Variants in POM121 observed in about 807,000 individuals in gnomAD.
POM121 encodes the protein POM121 transmembrane nucleoporin.
Under a neutral mutation model 81.3 loss-of-function variants are expected in POM121, and 32 were observed. The observed-to-expected ratio is 0.39, with a 90% confidence interval of 0.30 to 0.53. The LOEUF (loss-of-function observed/expected upper bound fraction) is 0.53, where lower values mean the gene tolerates loss of function less well. Among genes scored for constraint, POM121 ranks in the 20% least tolerant of loss-of-function variants. The pLI, the probability that POM121 is intolerant of heterozygous loss-of-function variation, is 0.66. For synonymous variants in POM121, 514 were observed against 694.2 expected (o/e 0.74, Z 4.08); for missense variants, 1,138 against 1,614.6 (o/e 0.70, Z 5.06).
chr7:72,914,569 T>G (rs548353960), intron 4 of POM121, among the ~76,000 whole-genome samples: 1 of 151,404 alleles, frequency 6.6e-6, no homozygotes, highest in African/African-American at 2.4e-5. Flanking sequence ...AGATAGGGTC[T>G]CGCCGTATTG....
intron 1 of POM121, among the ~76,000 whole-genome samples, chr7:72,884,937 T>C (rs1790565865): frequency 6.6e-6 from 1 of 152,270 alleles, no homozygotes; most frequent in East Asian, 1.9e-4. Flanking sequence ...ATCTAAACTA[T>C]AGTTCATTTT....
intron 4 of POM121, among the ~76,000 whole-genome samples, chr7:72,928,945 C>A (rs555592249): frequency 1.3e-5 from 2 of 152,302 alleles, no homozygotes; most frequent in Admixed American, 1.3e-4. Flanking sequence ...CTGGTCTGTG[C>A]TGTTAGAAGA....
At chr7:72,932,184 AAAAC>A (rs1269941774) in intron 5 of POM121, among the ~76,000 whole-genome samples, 2 of 149,724 alleles carry the variant, frequency 1.3e-5, no homozygotes, top group Non-Finnish European at 3.0e-5. Flanking sequence ...AAAATACACT[AAAAC>A]AAGATACACT....
At position 72,926,446 on chromosome 7, in the gene POM121, C is replaced by G. The variant is rs1275415320; in HGVS notation, c.829C>G (p.Pro277Ala). The change falls in exon 2 of 13, where the codon CCT (proline) becomes GCT (alanine). Residue 277 changes from proline (P) to alanine (A), a missense_variant. Coordinates refer to ENST00000434423, the MANE Select transcript of POM121 (RefSeq NM_001387691.1). ...VCSPVTVRIA[P>A]PDRRFSRSAI... Reference sequence around the variant, plus strand: ...TAGCCCAGTGACTGTGAGGATCGCCCCTCCTGACAGAAGATTTTCGCGTTC... The same window carrying G: ...TAGCCCAGTGACTGTGAGGATCGCCGCTCCTGACAGAAGATTTTCGCGTTC... 6.2e-7 allele frequency: 1 copy of G among 1,613,964 alleles called. No homozygotes were observed. Among genetic ancestry groups the G allele is most frequent in the East Asian group, 2.2e-5 (1 of 44,886 alleles).
intron 5 of POM121, among the ~76,000 whole-genome samples, chr7:72,935,025 C>T (rs1320181568): frequency 1.3e-5 from 2 of 149,076 alleles, no homozygotes; most frequent in Admixed American, 1.3e-4. Context: ...ATTTTTAGAT[C>T]AACTTGTCAA....
intron 3 of POM121, among the ~76,000 whole-genome samples, chr7:72,899,340 C>T (rs1792332550): frequency 6.6e-6 from 1 of 152,054 alleles, no homozygotes; most frequent in South Asian, 2.1e-4. Flanking sequence ...GGTAGGTGCT[C>T]AATGAGTGCT....
chr7:72,887,588 C>T (rs1554490264), intron 1 of POM121, among the ~76,000 whole-genome samples: 1 of 152,130 alleles, frequency 6.6e-6, no homozygotes, highest in Admixed American at 6.6e-5. Flanking sequence ...ACAACAACAA[C>T]AAGGCTAAGG....
intron 3 of POM121, among the ~76,000 whole-genome samples, chr7:72,902,593 A>G (rs560936181): frequency 2.0e-5 from 3 of 151,838 alleles, no homozygotes; most frequent in Admixed American, 6.6e-5. Context: ...CAGTGGTGCA[A>G]TCTTGGCTCA....
intron 4 of POM121, among the ~76,000 whole-genome samples, chr7:72,915,656 T>G (rs1794225607): frequency 6.6e-6 from 1 of 152,170 alleles, no homozygotes; most frequent in Non-Finnish European, 1.5e-5. Flanking sequence ...ATTACAAGTA[T>G]GAGCCACTGC....
In POM121 at chr7:72,883,979, C is replaced by T. The variant is rs1790422977; in HGVS notation, c.-521+4094C>T. 2.0e-5 allele frequency among the ~76,000 whole-genome samples: 3 copies of T among 152,200 alleles called. No individual in the cohort carries two copies. In the South Asian group the frequency reaches 6.2e-4, roughly 32 times the overall value. ...CACCCAGGCTGGCACATTTATGGCTCACTGCAGCCTCAAACTCCTGTGCTC... is the reference window on the plus strand; with the variant it reads ...CACCCAGGCTGGCACATTTATGGCTTACTGCAGCCTCAAACTCCTGTGCTC... On this transcript the variant is annotated intron_variant, in intron 1 of 15. Transcript: ENST00000395270.
exon 1 of POM121, chr7:72,879,526 G>A (rs567577607): frequency 1.5e-5 from 4 of 260,860 alleles, no homozygotes; most frequent in Non-Finnish European, 3.0e-5. Flanking sequence ...GCCGGGTAGA[G>A]GCTCGAGCCG....
Position 72,928,407 on chromosome 7 carries a change from G to A in POM121, c.1045G>A (p.Gly349Arg), listed in dbSNP as rs782431745. 6.2e-7 allele frequency: 1 copy of A among 1,614,222 alleles called. No individual in the cohort carries two copies. The change falls in exon 4 of 13, where the codon GGA becomes AGA. Residue 349 changes from glycine (G) to arginine (R), a missense_variant. Coordinates refer to ENST00000434423, the MANE Select transcript of POM121 (RefSeq NM_001387691.1). ...KRRRHDSSGS[G>R]HSAFEPLVAN... ...CAGGCGCCATGATAGCAGTGGCAGT[G>A]GACATTCAGCATTTGAGCCCCTGGT...
rs534132746 is a variant in POM121, at chr7:72,898,039, G to A, written c.-216+6929G>A. On this transcript the variant is annotated intron_variant, in intron 3 of 15. Transcript: ENST00000395270. ...GTCTAGGAAAAAAAGAAAGAAAGTA[G>A]ACCCAAAAGATTTGCAGATGCTTTG... is the stretch of plus-strand genomic sequence containing the variant. Among the ~76,000 whole-genome samples the A allele has an allele frequency of 2.0e-5, 3 of 152,168 alleles. No homozygotes were observed. In the South Asian group the frequency reaches 6.2e-4, roughly 32 times the overall value.
chr7:72,939,811 G>C (rs1554500380), intron 7 of POM121, 36 bp from the exon 8 acceptor site: 1 of 1,610,896 alleles, frequency 6.2e-7, no homozygotes, highest in Admixed American at 1.7e-5. Context: ...TCTGGAAGAG[G>C]GAAGGAAGCA....
In POM121 at chr7:72,926,954, A is replaced by G; in HGVS notation, c.1013A>G (p.Asn338Ser). ...EDQIFLDGQE[N>S]KRRRHDSSGS... Reference sequence around the variant, plus strand: ...CAAATATTCCTTGATGGCCAGGAAAATAAAAGAAGGTAACAGGCTCAGGAG... The same window carrying G: ...CAAATATTCCTTGATGGCCAGGAAAGTAAAAGAAGGTAACAGGCTCAGGAG... The change falls in exon 3 of 13, where the codon AAT becomes AGT. Residue 338 changes from asparagine (N) to serine (S), a missense_variant. Physicochemically the swap from Asn to Ser is conservative, Grantham distance 46 (BLOSUM62 1). Transcript: ENST00000434423. The G allele has an allele frequency of 6.2e-7, 1 of 1,614,002 alleles. No homozygotes were observed. The highest frequency in any genetic ancestry group is 2.2e-5 in the East Asian group (1 of 44,892).
intron 4 of POM121, among the ~76,000 whole-genome samples, chr7:72,919,005 T>A (rs1794553546): frequency 6.6e-6 from 1 of 152,138 alleles, no homozygotes; most frequent in Non-Finnish European, 1.5e-5. Context: ...TTCACCGTGT[T>A]AACCAGGATG....
chr7:72,946,209 G>A lies in POM121; in HGVS notation c.3725G>A (p.Arg1242Gln), dbSNP rs782277773. 9 of 1,611,720 alleles carry A rather than the reference G, an allele frequency of 5.6e-6. 1 individual carries two copies. The highest frequency in any genetic ancestry group is 2.2e-5 in the South Asian group (2 of 90,972). The change falls in exon 13 of 13, where the codon CGA becomes CAA. Residue 1242 changes from arginine (R) to glutamine (Q), a missense_variant. Around this residue, in one of 7 missense-constraint regions of POM121, gnomAD observed 336 missense variants for 344.3 expected, o/e 0.98. Transcript: ENST00000434423. ...GGGGCTCGACAGCGACTGCAGGCCC[G>A]AAGGCAGCACACCCGCAAAAAGTAG... ...TPGARQRLQA[R>Q]RQHTRKK
At chr7:72,884,518 TAA>T in intron 1 of POM121, among the ~76,000 whole-genome samples, 1 of 103,502 alleles carries the variant, frequency 9.7e-6, no homozygotes, top group African/African-American at 3.8e-5. Context: ...TATATACATA[TAA>T]TATATATTTG....
chr7:72,910,310 T>C (rs1351769009), intron 3 of POM121, among the ~76,000 whole-genome samples: 1 of 152,220 alleles, frequency 6.6e-6, no homozygotes, highest in Non-Finnish European at 1.5e-5. Flanking sequence ...GAAAAAAATA[T>C]ATATCAACTG....
Sources: gnomAD v4.1 joint callset for allele counts (sites outside exome capture counted in the v4.1 genomes callset) on GRCh38, gnomAD v4.1.1 for gene constraint, gnomAD v4.1.1 regional missense constraint, MANE v1.5 for transcripts, NCBI Gene and HGNC (gene_info 2026-07-23, HGNC 2026-07-21) for gene names.